Variants in VPS4B observed in about 807,000 individuals in gnomAD.
VPS4B encodes vacuolar protein sorting-associated protein 4B.
Under a neutral mutation model 56.1 loss-of-function variants are expected in VPS4B, and 23 were observed. The observed-to-expected ratio is 0.41, with a 90% CI of 0.30 to 0.58. The LOEUF is 0.58. Among genes scored for constraint, VPS4B ranks in the 20% least tolerant of loss-of-function variants. VPS4B has a pLI of 0.29. For missense variants in VPS4B, 372 were observed against 531.9 expected (o/e 0.70, Z 2.96); for synonymous variants, 177 against 186.0 (o/e 0.95, Z 0.39).
At chr18:63,415,021 A>T (rs1444385208) in intron 1 of VPS4B, among the ~76,000 whole-genome samples, 1 of 152,210 alleles carries the variant, frequency 6.6e-6, no homozygotes, top group Non-Finnish European at 1.5e-5. Flanking sequence ...GAGTGAGTTT[A>T]TGTAATTAAA....
At chr18:63,392,548 A>G (rs1199557086) in intron 10 of VPS4B, among the ~76,000 whole-genome samples, 2 of 151,026 alleles carry the variant, frequency 1.3e-5, no homozygotes, top group Admixed American at 6.6e-5. Context: ...TCCTGGGTTC[A>G]AGCTATTCTC....
intron 5 of VPS4B, 83 bp from the exon 6 acceptor site, chr18:63,400,786 T>G: frequency 7.6e-7 from 1 of 1,324,238 alleles, no homozygotes; most frequent in Non-Finnish European, 1.0e-6. Context: ...CTGGAAAGAT[T>G]TTCACTCTAA....
intron 4 of VPS4B, 147 bp from the exon 5 acceptor site, chr18:63,403,973 A>T: frequency 1.1e-6 from 1 of 924,446 alleles, no homozygotes. Context: ...CGTGAGCAGG[A>T]AGCAGGTGTT....
intron 5 of VPS4B, 119 bp from the exon 6 acceptor site, chr18:63,400,822 TA>T: frequency 1.0e-6 from 1 of 1,002,978 alleles, no homozygotes. Flanking sequence ...AACAATATTT[TA>T]AAAATAAATC....
chr18:63,410,250 C>T lies in VPS4B; in HGVS notation c.296+40G>A, dbSNP rs199507971. ...CAAAAGAAATTTCACAAATCGAAAGCAAAAAGCCACAATAAAATTGAACAA... is the reference window on the plus strand; with the variant it reads ...CAAAAGAAATTTCACAAATCGAAAGTAAAAAGCCACAATAAAATTGAACAA... On this transcript the variant is annotated intron_variant, in intron 3 of 10. Coordinates refer to ENST00000238497, the MANE Select transcript of VPS4B (RefSeq NM_004869.4). 4.4e-6 allele frequency: 7 copies of T among 1,601,560 alleles called. No individual in the cohort carries two copies. In the South Asian group the frequency reaches 7.8e-5, roughly 18 times the overall value.
chr18:63,406,408 A>T (rs909585020), intron 4 of VPS4B, among the ~76,000 whole-genome samples: 13 of 152,260 alleles, frequency 8.5e-5, no homozygotes, highest in African/African-American at 2.7e-4. Context: ...AGACACTAGT[A>T]TAGCAAGGCT....
chr18:63,408,404 T>A (rs557872951), intron 3 of VPS4B, among the ~76,000 whole-genome samples: 1 of 152,238 alleles, frequency 6.6e-6, no homozygotes, highest in East Asian at 1.9e-4. Context: ...CACATGACAC[T>A]CACTCCAACC....
At chr18:63,412,386 T>C (rs143013088) in intron 1 of VPS4B, among the ~76,000 whole-genome samples, 322 of 152,344 alleles carry the variant, frequency 2.1e-3, no homozygotes, top group African/African-American at 7.0e-3. Context: ...ATAAAACATA[T>C]ATTTTTCATT....
chr18:63,409,999 C>T (rs1242442473), intron 3 of VPS4B, among the ~76,000 whole-genome samples: 1 of 152,114 alleles, frequency 6.6e-6, no homozygotes, highest in Non-Finnish European at 1.5e-5. Context: ...AACTAGGGGT[C>T]AGCAAACTTT....
chr18:63,397,300 A>G (rs1202437959), intron 8 of VPS4B, 47 bp from the exon 9 acceptor site: 20 of 1,516,570 alleles, frequency 1.3e-5, no homozygotes, highest in Middle Eastern at 1.9e-4. Context: ...GAAAATTAGG[A>G]TATTTCCAAG....
rs994555982 is a variant in VPS4B at position 63,399,395 on chromosome 18, G to A, written c.791-72C>T. ...TCTTTAAACTTCTTCCATATATTCT[G>A]TTAAGAAATGTGGTGCTTTACCATT... is the stretch of plus-strand genomic sequence containing the variant. On this transcript the variant is annotated intron_variant, in intron 7 of 10. Transcript: ENST00000238497. 4 of 1,325,676 alleles carry A rather than the reference G, an allele frequency of 3.0e-6. No individual in the cohort carries two copies. In the African/African-American group the frequency reaches 5.8e-5, roughly 19 times the overall value. The allele number at this position is 1,325,676 out of a possible 1,614,324, so 82.1% of individuals were successfully genotyped here. A position where few individuals can be genotyped will look rare whatever the true frequency, so the allele number is the denominator to read the frequency against.
intron 9 of VPS4B, among the ~76,000 whole-genome samples, chr18:63,395,210 A>T (rs903250547): frequency 6.6e-6 from 1 of 152,196 alleles, no homozygotes; most frequent in African/African-American, 2.4e-5. Flanking sequence ...GAATTGAGTG[A>T]CAAACTCTCA....
chr18:63,416,585 G>C (rs921684494), intron 1 of VPS4B: 10 of 152,212 alleles, frequency 6.6e-5, no homozygotes, highest in Admixed American at 3.9e-4. Flanking sequence ...CCAGCCTCGT[G>C]AGTGGTCAGT....
intron 2 of VPS4B, among the ~76,000 whole-genome samples, chr18:63,411,172 T>A (rs1179532743): frequency 6.6e-6 from 1 of 152,258 alleles, no homozygotes; most frequent in African/African-American, 2.4e-5. Flanking sequence ...TGCCACGTGG[T>A]ACACACGCAA....
At chr18:63,408,390 G>C (rs1490288743) in intron 3 of VPS4B, among the ~76,000 whole-genome samples, 1 of 152,170 alleles carries the variant, frequency 6.6e-6, no homozygotes, top group Non-Finnish European at 1.5e-5. Context: ...CACTGCAAAA[G>C]ATTCACATGA....
intron 1 of VPS4B, chr18:63,415,500 T>G (rs1916142664): frequency 3.3e-6 from 1 of 303,318 alleles, no homozygotes; most frequent in Non-Finnish European, 6.8e-6. Flanking sequence ...TGGCAATTTT[T>G]CTCTGGTTGA....
chr18:63,392,019 T>C (rs1915558881), intron 10 of VPS4B, among the ~76,000 whole-genome samples: 1 of 152,106 alleles, frequency 6.6e-6, no homozygotes, highest in Non-Finnish European at 1.5e-5. Flanking sequence ...ACACCAAGGA[T>C]TAAAACAAAG....
At position 63,422,226 on chromosome 18, in the gene VPS4B, A is replaced by G. The variant is rs1476288440; in HGVS notation, c.27+7T>C. 2.0e-6 allele frequency: 3 copies of G among 1,512,770 alleles called. No individual in the cohort carries two copies. The highest frequency in any genetic ancestry group is 2.7e-5 in the East Asian group (1 of 36,994). 93.7% of individuals were successfully genotyped at this position (1,512,770 alleles called of 1,614,324 possible). A position where few individuals can be genotyped will look rare whatever the true frequency, so the allele number is the denominator to read the frequency against. On this transcript the variant is annotated splice_region_variant and intron_variant, in intron 1 of 10. Transcript: ENST00000238497. ...TCCCTAGGGGGACGGGAGATGAGCA[A>G]TGATACCTGGAGGTTGGGCGAAGTG...
intron 4 of VPS4B, 36 bp from the exon 5 acceptor site, chr18:63,403,862 A>G: frequency 6.3e-7 from 1 of 1,579,922 alleles, no homozygotes; most frequent in Non-Finnish European, 8.6e-7. Flanking sequence ...ATTAAGAAAG[A>G]CTATTTCACC....
Sources: allele counts gnomAD v4.1 joint callset (sites outside exome capture counted in the v4.1 genomes callset), GRCh38; gene constraint gnomAD v4.1.1; transcripts MANE v1.5; gene names NCBI Gene and HGNC (gene_info 2026-07-23, HGNC 2026-07-21).